AAMP: variants seen among roughly 807,000 people sequenced by gnomAD.
AAMP encodes the protein angio-associated migratory cell protein.
A neutral mutation model predicts 51.1 loss-of-function variants in AAMP; 12 were observed. The ratio of observed to expected loss-of-function variants is 0.23; its 90% CI spans 0.15 to 0.38. The LOEUF is 0.38. Ranked by LOEUF, AAMP falls within the 10% of genes least tolerant of loss-of-function variation. AAMP has a pLI of 1.00. For synonymous variants in AAMP, 210 were observed against 218.7 expected (o/e 0.96, Z 0.35); for missense variants, 418 against 557.2 (o/e 0.75, Z 2.52).
intron 2 of AAMP, 23 bp downstream of exon 2, chr2:218,269,359 G>T (rs1353156924): frequency 6.2e-7 from 1 of 1,613,200 alleles, no homozygotes; most frequent in Non-Finnish European, 8.5e-7. Context: ...ACTGATTTGA[G>T]GTGGATCGCC....
At chr2:218,264,751 GA>G (rs1690581084) in intron 10 of AAMP, 143 bp from the exon 11 acceptor site, 1 of 816,474 alleles carries the variant, frequency 1.2e-6, no homozygotes, top group East Asian at 2.6e-5. Flanking sequence ...AGCCAGCATG[GA>G]GGGGATTAGA....
rs1690724930 is a variant in AAMP, at chr2:218,269,379, TACCTGAGTGCAATGCAAAGGTG to T, written c.255_274+2del. 1 of 1,613,768 alleles carries T rather than the reference TACCTGAGTGCAATGCAAAGGTG, an allele frequency of 6.2e-7. No individual in the cohort carries two copies. Among genetic ancestry groups the T allele is most frequent in the Non-Finnish European group, 8.5e-7 (1 of 1,180,024 alleles). On this transcript the variant is annotated splice_donor_variant and coding_sequence_variant, in exon 2 of 11. Transcript: ENST00000248450. LOFTEE classifies it high-confidence loss of function. ...TTTGAGGTGGATCGCCTCAAAGACC[TACCTGAGTGCAATGCAAAGGTG>T]ACCTCGCTATCGTCGGGGCCCTCCA... is the stretch of plus-strand genomic sequence containing the variant.
rs569258969 is a variant in AAMP at position 218,266,336 on chromosome 2, G to A, written c.679+107C>T. On this transcript the variant is annotated intron_variant, in intron 5 of 10. Coordinates refer to ENST00000248450, the MANE Select transcript of AAMP (RefSeq NM_001087.5). The surrounding 1 kb of genome is among the most constrained non-coding windows in gnomAD (Gnocchi z 4.7). ...CAGGAGGTCAGCACTGCAAACAGCA[G>A]GCCTCAGATTTTGCCGGCTGTGACC... 4.0e-5 allele frequency: 60 copies of A among 1,497,618 alleles called. No homozygotes were observed. In the East Asian group the frequency reaches 1.4e-3, roughly 34 times the overall value. 92.8% of individuals were successfully genotyped at this position (1,497,618 alleles called of 1,614,324 possible). A position where few individuals can be genotyped will look rare whatever the true frequency, so the allele number is the denominator to read the frequency against.
rs1413880855 is a variant in AAMP, at chr2:218,267,004, C to T, written c.395-18G>A. 1 of 1,610,308 alleles carries T rather than the reference C, an allele frequency of 6.2e-7. No individual in the cohort carries two copies. Among genetic ancestry groups the T allele is most frequent in the South Asian group, 1.1e-5 (1 of 91,012 alleles). On this transcript the variant is annotated intron_variant, in intron 3 of 10. Transcript: ENST00000248450. This position sits in a 1 kb window ranked among gnomAD's most constrained non-coding sequence, Gnocchi z 4.6. ...TTTATGGCCTTCAAAGAAAAGTGGG[C>T]AGAAAACAGAGGAAAAAAATAGGGT...
Position 218,265,129 on chromosome 2 carries a change from A to C in AAMP, c.1120T>G (p.Tyr374Asp). 6.2e-7 allele frequency: 1 copy of C among 1,606,458 alleles called. No homozygotes were observed. Reference protein sequence around the residue: ...LLWEAGTAVVYTCSLDGIVRL... With the variant: ...LLWEAGTAVVDTCSLDGIVRL... ...ACGATGCCATCCAGGCTGCAGGTATATACCACGGCAGTGCCTGCCTCCCAC... is the reference window on the plus strand; with the variant it reads ...ACGATGCCATCCAGGCTGCAGGTATCTACCACGGCAGTGCCTGCCTCCCAC... Residue 374 changes from tyrosine (Y) to aspartate (D), a missense_variant, in exon 10 of 11, where the codon TAT (tyrosine) becomes GAT (aspartate). Tyr to Asp is a radical substitution (Grantham distance 160). Transcript: ENST00000248450. This position sits in a 1 kb window ranked among gnomAD's most constrained non-coding sequence, Gnocchi z 6.6.
rs774514490 is a variant in AAMP at position 218,266,933 on chromosome 2, C to A, written c.448G>T (p.Ala150Ser). 6.2e-7 allele frequency: 1 copy of A among 1,614,180 alleles called. No homozygotes were observed. The highest frequency in any genetic ancestry group is 1.1e-5 in the South Asian group (1 of 91,082). The change falls in exon 4 of 11, where the codon GCC (alanine) becomes TCC (serine). Residue 150 changes from alanine (A) to serine (S), a missense_variant. Transcript: ENST00000248450. This position sits in a 1 kb window ranked among gnomAD's most constrained non-coding sequence, Gnocchi z 4.7. ...AGFSHDSTLV[A>S]TGDMSGLLKV... ...AAGAGGCCACTCATGTCCCCTGTGG[C>A]CACTAGAGTGGAGTCATGGCTGAAA... is the stretch of plus-strand genomic sequence containing the variant.
chr2:218,268,228 A>C (rs1690681780), intron 2 of AAMP, among the ~76,000 whole-genome samples: 1 of 152,076 alleles, frequency 6.6e-6, no homozygotes, highest in South Asian at 2.1e-4. Context: ...CGGCCTCCCA[A>C]AGTGCTGGGA....
rs762549283 is a variant in AAMP, at chr2:218,266,097, G to A, written c.730C>T (p.Leu244=). The A allele has an allele frequency of 1.2e-6, 2 of 1,614,166 alleles. No individual in the cohort carries two copies. The highest frequency in any genetic ancestry group is 1.7e-6 in the Non-Finnish European group (2 of 1,180,032). The stretch of plus-strand genomic sequence containing the variant: ...ACATGGATAGGGCTTCCCTGCTTCA[G>A]GTCCCAAATCCTGATGGTCCCATCT... ...YEDGTIRIWD[L]KQGSPIHVLK... Residue 244 remains leucine (L), a synonymous_variant, in exon 6 of 11, where the codon CTG becomes TTG. Coordinates refer to ENST00000248450, the MANE Select transcript of AAMP (RefSeq NM_001087.5). The surrounding 1 kb of genome is among the most constrained non-coding windows in gnomAD (Gnocchi z 4.7).
chr2:218,264,660 C>A (rs1690577793), intron 10 of AAMP, 52 bp from the exon 11 acceptor site: 2 of 1,520,608 alleles, frequency 1.3e-6, no homozygotes, highest in East Asian at 4.5e-5. Context: ...AAGCCCACCA[C>A]CTAGGGGCCC....
In AAMP at chr2:218,270,032, G is replaced by A. The variant is rs867310481; in HGVS notation, c.55C>T (p.Leu19=). The A allele has an allele frequency of 6.2e-7, 1 of 1,614,158 alleles. No homozygotes were observed. Among genetic ancestry groups the A allele is most frequent in the Middle Eastern group, 1.7e-4 (1 of 6,060 alleles). Residue 19 remains leucine, a synonymous_variant, in exon 1 of 11, where the codon CTA becomes TTA. Transcript: ENST00000248450. ...ATCTCTTCATCACCATGGAAGCTTA[G>A]GGTCTCCAGTGGGGGGGTGTCAGCA... ...AAADTPPLET[L]SFHGDEEIIE...
At position 218,267,757 on chromosome 2, in the gene AAMP, G is replaced by A; in HGVS notation, c.275-144C>T. On this transcript the variant is annotated intron_variant, in intron 2 of 10. Transcript: ENST00000248450. The surrounding 1 kb of genome is among the most constrained non-coding windows in gnomAD (Gnocchi z 4.6). ...CACAGGTACATCCAAGTTCTTCTAA[G>A]TTTCAAGAATTGGGTTGTTAGATCC... is the stretch of plus-strand genomic sequence containing the variant. 1 of 1,055,728 alleles carries A rather than the reference G, an allele frequency of 9.5e-7. No individual in the cohort carries two copies. The highest frequency in any genetic ancestry group is 2.5e-5 in the East Asian group (1 of 39,752). The allele number at this position is 1,055,728 out of a possible 1,614,324, so 65.4% of individuals were successfully genotyped here.
rs1427271254 is a variant in AAMP, at chr2:218,267,696, C to T, written c.275-83G>A. 1 of 1,547,914 alleles carries T rather than the reference C, an allele frequency of 6.5e-7. No homozygotes were observed. The highest frequency in any genetic ancestry group is 1.4e-5 in the African/African-American group (1 of 73,332). On this transcript the variant is annotated intron_variant, in intron 2 of 10. Coordinates refer to ENST00000248450, the MANE Select transcript of AAMP (RefSeq NM_001087.5). This position sits in a 1 kb window ranked among gnomAD's most constrained non-coding sequence, Gnocchi z 4.6. Reference sequence around the variant, plus strand: ...CTTCACAATCTTCAGGAAACCCACCCCCTTTCACCCAAAGCGTGTCTTTCC... The same window carrying T: ...CTTCACAATCTTCAGGAAACCCACCTCCTTTCACCCAAAGCGTGTCTTTCC...
intron 10 of AAMP, 28 bp downstream of exon 10, chr2:218,264,992 G>C (rs781051240): frequency 6.2e-7 from 1 of 1,613,292 alleles, no homozygotes; most frequent in Non-Finnish European, 8.5e-7. Context: ...AATACACAAA[G>C]ATCCCAGCCC....
Position 218,266,532 on chromosome 2 carries a change from T to A in AAMP, c.590A>T (p.Asn197Ile). 6.2e-7 allele frequency: 1 copy of A among 1,613,770 alleles called. No homozygotes were observed. Among genetic ancestry groups the A allele is most frequent in the Non-Finnish European group, 8.5e-7 (1 of 1,179,988 alleles). ...ATTCGGGACTTTCCACATCCAGGTG[T>A]TGCCGTCAGCTGTGCCCGCCAACAG... ...PVLLAGTADG[N>I]TWMWKVPNGD... The change falls in exon 5 of 11, where the codon AAC (asparagine) becomes ATC (isoleucine). Residue 197 changes from asparagine (N) to isoleucine (I), a missense_variant. By Grantham distance (149) the Asn-to-Ile change is moderately radical. Transcript: ENST00000248450. This position sits in a 1 kb window ranked among gnomAD's most constrained non-coding sequence, Gnocchi z 4.7.
rs773814767 is a variant in AAMP at position 218,270,101 on chromosome 2, G to T, written c.-15C>A. The T allele has an allele frequency of 1.2e-6, 2 of 1,613,396 alleles. No individual in the cohort carries two copies. The highest frequency in any genetic ancestry group is 1.1e-5 in the South Asian group (1 of 91,066). ...TCGGACTCCATGCGGCGCAAGCGGC[G>T]GATCCACTTCTCTGGGCCCAAACGC... On this transcript the variant is annotated 5_prime_UTR_variant, in exon 1 of 11. Coordinates refer to ENST00000248450, the MANE Select transcript of AAMP (RefSeq NM_001087.5).
rs762534010 is a variant in AAMP at position 218,269,583 on chromosome 2, GT to G, written c.122-50del. The G allele has an allele frequency of 4.3e-6, 7 of 1,613,598 alleles. No individual in the cohort carries two copies. The South Asian group carries it at 7.7e-5, about 18-fold the overall frequency. ...GATGGGGCTCGGGAGGCGGTAAGAGGTACGGAGAGAAGCATGAGGAGGCCTG... is the reference window on the plus strand; with the variant it reads ...GATGGGGCTCGGGAGGCGGTAAGAGGACGGAGAGAAGCATGAGGAGGCCTG... On this transcript the variant is annotated intron_variant, in intron 1 of 10. Transcript: ENST00000248450.
At chr2:218,269,701 G>T in intron 1 of AAMP, 167 bp from the exon 2 acceptor site, 1 of 1,228,388 alleles carries the variant, frequency 8.1e-7, no homozygotes, top group Non-Finnish European at 1.1e-6. Context: ...GGGAGGCCAC[G>T]GCTGGCCAGA....
Position 218,266,972 on chromosome 2 carries a change from CAG to C in AAMP, c.407_408del (p.Ser136CysfsTer9). ...TCATGGCTGAAACCAGCACAAGTCACAGAGTCTTTATGGCCTTCAAAGAAAAG... is the reference window on the plus strand; with the variant it reads ...TCATGGCTGAAACCAGCACAAGTCACAGTCTTTATGGCCTTCAAAGAAAAG... ...LLFECAGHKD[S>X]VTCAGFSHDS... On this transcript the variant is annotated frameshift_variant, in exon 4 of 11. Coordinates refer to ENST00000248450, the MANE Select transcript of AAMP (RefSeq NM_001087.5). LOFTEE classifies it high-confidence loss of function. The surrounding 1 kb of genome is among the most constrained non-coding windows in gnomAD (Gnocchi z 4.7). 6.2e-7 allele frequency: 1 copy of C among 1,614,130 alleles called. No individual in the cohort carries two copies. Among genetic ancestry groups the C allele is most frequent in the Non-Finnish European group, 8.5e-7 (1 of 1,179,990 alleles).
rs1028192843 is a variant in AAMP, at chr2:218,264,174, A to G, written c.*359T>C. The stretch of plus-strand genomic sequence containing the variant: ...TACATTTTTAAAATCTTTAACTAGT[A>G]TCTCTTCCTCCTTTCCACCCCCAGA... On this transcript the variant is annotated 3_prime_UTR_variant, in exon 11 of 11. Transcript: ENST00000248450. 2.0e-5 allele frequency: 7 copies of G among 353,692 alleles called. No homozygotes were observed. The highest frequency in any genetic ancestry group is 5.4e-5 in the East Asian group (1 of 18,524). 21.9% of individuals were successfully genotyped at this position (353,692 alleles called of 1,614,324 possible). A position where few individuals can be genotyped will look rare whatever the true frequency, so the allele number is the denominator to read the frequency against.
Sources: gnomAD v4.1 joint callset for allele counts (sites outside exome capture counted in the v4.1 genomes callset) on GRCh38, gnomAD v4.1.1 for gene constraint, Gnocchi (gnomAD v3.1) non-coding constraint, MANE v1.5 for transcripts, NCBI Gene and HGNC (gene_info 2026-07-23, HGNC 2026-07-21) for gene names.